STAG1: variants seen among roughly 807,000 people sequenced by gnomAD.
STAG1 encodes STAG1 cohesin complex component.
Under a neutral mutation model 170.9 loss-of-function variants are expected in STAG1, and 26 were observed. That is an observed-to-expected ratio of 0.15 (90% CI 0.11 to 0.21). The LOEUF (loss-of-function observed/expected upper bound fraction) is 0.21, where lower values mean the gene tolerates loss of function less well. Ranked by LOEUF, STAG1 falls within the 10% of genes least tolerant of loss-of-function variation. STAG1 has a pLI of 1.00. For synonymous variants in STAG1, 514 were observed against 497.7 expected (o/e 1.03, Z -0.44); for missense variants, 964 against 1,509.5 (o/e 0.64, Z 5.99).
intron 14 of STAG1, among the ~76,000 whole-genome samples, chr3:136,447,700 G>A (rs920551889): frequency 2.8e-5 from 4 of 143,280 alleles, no homozygotes; most frequent in Non-Finnish European, 4.5e-5. Flanking sequence ...TCCGCCTCCC[G>A]GGTTCATGTC....
chr3:136,454,999 T>C (rs909505434), intron 13 of STAG1, among the ~76,000 whole-genome samples: 5 of 152,196 alleles, frequency 3.3e-5, no homozygotes, highest in Non-Finnish European at 7.3e-5. Context: ...AGATCATTAA[T>C]CAAGTCATCA....
At chr3:136,733,379 C>T (rs1193469335) in intron 1 of STAG1, among the ~76,000 whole-genome samples, 2 of 152,114 alleles carry the variant, frequency 1.3e-5, no homozygotes, top group Non-Finnish European at 2.9e-5. Flanking sequence ...AGCTACCGTG[C>T]CTGGCCAAAG....
At chr3:136,547,503 T>TC (rs1936204639) in intron 5 of STAG1, among the ~76,000 whole-genome samples, 1 of 152,108 alleles carries the variant, frequency 6.6e-6, no homozygotes, top group Admixed American at 6.6e-5. Context: ...TGCTTCCCCC[T>TC]CCCCCTGGCA....
At chr3:136,599,742 G>C (rs1007752895) in intron 4 of STAG1, among the ~76,000 whole-genome samples, 1 of 152,036 alleles carries the variant, frequency 6.6e-6, no homozygotes, top group African/African-American at 2.4e-5. Flanking sequence ...ACCTAAAGCA[G>C]TATTTTTCCT....
At chr3:136,357,888 T>G in intron 27 of STAG1, 40 bp from the exon 28 acceptor site, 1 of 1,536,020 alleles carries the variant, frequency 6.5e-7, no homozygotes. Context: ...TTCCAGATAG[T>G]GTAATTCTCT....
chr3:136,573,962 C>T (rs371552108), intron 4 of STAG1, among the ~76,000 whole-genome samples: 13 of 150,060 alleles, frequency 8.7e-5, no homozygotes, highest in Admixed American at 2.0e-4. Flanking sequence ...CAGAGTGAGA[C>T]GCTGGGTGCA....
chr3:136,630,975 G>T lies in STAG1; in HGVS notation c.-77C>A. The T allele has an allele frequency of 7.7e-7, 1 of 1,301,938 alleles. No individual in the cohort carries two copies. Among genetic ancestry groups the T allele is most frequent in the South Asian group, 1.5e-5 (1 of 68,086 alleles). The allele number at this position is 1,301,938 out of a possible 1,614,324, so 80.6% of individuals were successfully genotyped here. A position where few individuals can be genotyped will look rare whatever the true frequency, so the allele number is the denominator to read the frequency against. ...TCAAAACTTTTAAAATAACCTCAAA[G>T]GCAATCCTGTCAATTAAAAAAAAGA... On this transcript the variant is annotated 5_prime_UTR_variant, in exon 2 of 34. Transcript: ENST00000383202.
At chr3:136,688,123 T>C (rs1942598600) in intron 1 of STAG1, among the ~76,000 whole-genome samples, 1 of 152,162 alleles carries the variant, frequency 6.6e-6, no homozygotes, top group Non-Finnish European at 1.5e-5. Flanking sequence ...AGGTTAACTT[T>C]AGTTTTAAGT....
intron 21 of STAG1, among the ~76,000 whole-genome samples, chr3:136,408,485 GT>G (rs35888638): frequency 3.3e-5 from 5 of 149,388 alleles, no homozygotes; most frequent in African/African-American, 7.4e-5. Flanking sequence ...AAGTTACTGT[GT>G]TTTTTTTTTG....
chr3:136,341,300 C>A, intron 31 of STAG1, 141 bp downstream of exon 31: 1 of 592,634 alleles, frequency 1.7e-6, no homozygotes, highest in East Asian at 2.9e-5. Context: ...AACTCACACC[C>A]TCCTTTCCTA....
chr3:136,376,041 T>TAAAAC (rs1937598676), intron 23 of STAG1, among the ~76,000 whole-genome samples: 1 of 147,702 alleles, frequency 6.8e-6, no homozygotes, highest in African/African-American at 2.5e-5. Flanking sequence ...TAAAATAAAA[T>TAAAAC]AAAATAAAAC....
At chr3:136,473,173 T>C (rs2089667608) in intron 11 of STAG1, among the ~76,000 whole-genome samples, 1 of 152,136 alleles carries the variant, frequency 6.6e-6, no homozygotes, top group African/African-American at 2.4e-5. Context: ...GATCTGTTAC[T>C]GTCTCCCATC....
intron 14 of STAG1, among the ~76,000 whole-genome samples, chr3:136,449,574 A>G (rs1252850093): frequency 2.0e-5 from 3 of 151,712 alleles, no homozygotes; most frequent in African/African-American, 4.8e-5. Context: ...AAAAAAAAAG[A>G]AGGAAAAAAA....
chr3:136,362,710 C>T (rs1331774865), intron 26 of STAG1, among the ~76,000 whole-genome samples: 1 of 150,842 alleles, frequency 6.6e-6, no homozygotes, highest in African/African-American at 2.4e-5. Flanking sequence ...TAAAAAATAT[C>T]CTCTTATTTT....
intron 1 of STAG1, among the ~76,000 whole-genome samples, chr3:136,636,003 T>C (rs1429237619): frequency 6.6e-6 from 1 of 152,004 alleles, no homozygotes; most frequent in African/African-American, 2.4e-5. Flanking sequence ...ATCCCAGCAC[T>C]TTGGGAAGCT....
intron 6 of STAG1, among the ~76,000 whole-genome samples, chr3:136,535,961 T>G (rs912360113): frequency 1.3e-5 from 2 of 152,244 alleles, no homozygotes; most frequent in African/African-American, 2.4e-5. Flanking sequence ...AAATGTGATT[T>G]ATGTGAATCA....
At chr3:136,751,847 C>G (rs1364084027) in intron 1 of STAG1, among the ~76,000 whole-genome samples, 2 of 150,520 alleles carry the variant, frequency 1.3e-5, no homozygotes, top group African/African-American at 4.9e-5. Context: ...CGGGCCCGAG[C>G]GCGCCACAAA....
At chr3:136,461,301 C>T (rs989802702) in intron 13 of STAG1, among the ~76,000 whole-genome samples, 2 of 152,068 alleles carry the variant, frequency 1.3e-5, no homozygotes, top group East Asian at 3.9e-4. Context: ...CACTTTTATA[C>T]AACATAGTAC....
chr3:136,421,155 T>A lies in STAG1; in HGVS notation c.2046A>T (p.Glu682Asp). ...SVEDLLQEGE[E>D]ADDDDIYNVL... ...CATTGTAAATGTCATCATCATCAGC[T>A]TCTTCTCCCTATAAAAAAAGGAAAC... The change falls in exon 20 of 34, where the codon GAA becomes GAT. Residue 682 changes from glutamate (E) to aspartate (D), a missense_variant. By Grantham distance (45) the Glu-to-Asp change is conservative. Coordinates refer to ENST00000383202, the MANE Select transcript of STAG1 (RefSeq NM_005862.3). 4 of 1,605,436 alleles carry A rather than the reference T, an allele frequency of 2.5e-6. No homozygotes were observed. The highest frequency in any genetic ancestry group is 3.4e-6 in the Non-Finnish European group (4 of 1,175,622).
Sources: gnomAD v4.1 joint callset for allele counts (sites outside exome capture counted in the v4.1 genomes callset) on GRCh38, gnomAD v4.1.1 for gene constraint, MANE v1.5 for transcripts, NCBI Gene and HGNC (gene_info 2026-07-23, HGNC 2026-07-21) for gene names.